Variants in TRHDE observed in about 807,000 individuals in gnomAD.
The protein encoded by TRHDE is thyrotropin releasing hormone degrading enzyme, also known as thyrotropin-releasing hormone-degrading ectoenzyme.
A neutral mutation model predicts 125.7 loss-of-function variants in TRHDE; 72 were observed. The ratio of observed to expected loss-of-function variants is 0.57; its 90% CI spans 0.47 to 0.70. TRHDE has a LOEUF of 0.70. Among genes scored for constraint, TRHDE ranks in the 30% least tolerant of loss-of-function variants. The pLI, the probability that TRHDE is intolerant of heterozygous loss-of-function variation, is 0.00. For missense variants in TRHDE, 1,110 were observed against 1,327.1 expected, an observed-to-expected ratio of 0.84 and a Z score of 2.54; for synonymous variants, 509 against 509.1, an observed-to-expected ratio of 1.00 and a Z score of 0.00.
chr12:72,496,127 C>T (rs1220738846), intron 5 of TRHDE, among the ~76,000 whole-genome samples: 3 of 152,156 alleles, frequency 2.0e-5, no homozygotes, highest in Non-Finnish European at 4.4e-5. Context: ...ATGATAAGTG[C>T]CTGTTGAATA....
chr12:72,630,247 G>A (rs1248504743), intron 15 of TRHDE, among the ~76,000 whole-genome samples: 4 of 151,506 alleles, frequency 2.6e-5, no homozygotes, highest in African/African-American at 7.2e-5. Flanking sequence ...AAAAAGTTAC[G>A]GATCTCAGTA....
intron 3 of TRHDE, among the ~76,000 whole-genome samples, chr12:72,389,807 T>TA (rs1872557431): frequency 1.3e-5 from 2 of 152,166 alleles, no homozygotes; most frequent in South Asian, 4.1e-4. Context: ...TGGTGTGACT[T>TA]ACATTTTTAA....
rs556579078 is a variant in TRHDE at position 72,619,754 on chromosome 12, C to A, written c.2469+716C>A. 1.8e-4 allele frequency among the ~76,000 whole-genome samples: 27 copies of A among 152,190 alleles called. 1 individual carries two copies. In the East Asian group the frequency reaches 5.0e-3, roughly 28 times the overall value. ...CACTGTGCCTTCCATGATGTTTGAA[C>A]ACTATTTGTTTTCCTTTAGTTAGCG... On this transcript the variant is annotated intron_variant, in intron 13 of 18. Coordinates refer to ENST00000261180, the MANE Select transcript of TRHDE (RefSeq NM_013381.3).
chr12:72,525,707 G>C lies in TRHDE; in HGVS notation c.1723-16584G>C, dbSNP rs193226723. On this transcript the variant is annotated intron_variant, in intron 6 of 18. Transcript: ENST00000261180. ...CTTCTTTTCAGTATCAGTGAGCTAT[G>C]GTAGGAACCAGTTTGGGAGCAGCTG... Among the ~76,000 whole-genome samples the C allele has an allele frequency of 6.8e-4, 103 of 151,326 alleles. No individual in the cohort carries two copies. The Middle Eastern group carries it at 0.027, about 40-fold the overall frequency.
chr12:72,386,323 C>T (rs1328457245), intron 3 of TRHDE, among the ~76,000 whole-genome samples: 5 of 152,116 alleles, frequency 3.3e-5, no homozygotes, highest in African/African-American at 9.7e-5. Context: ...CCATTTTAAA[C>T]GTTTTCATAT....
chr12:72,126,139 G>T (rs776296483), intron 2 of TRHDE, among the ~76,000 whole-genome samples: 1 of 152,094 alleles, frequency 6.6e-6, no homozygotes, highest in Non-Finnish European at 1.5e-5. Flanking sequence ...AAATACCTGG[G>T]AATACATCTA....
chr12:72,245,235 TTGTGTGTA>T (rs1262561858), intron 2 of TRHDE, among the ~76,000 whole-genome samples: 2 of 141,956 alleles, frequency 1.4e-5, no homozygotes, highest in African/African-American at 2.9e-5. Flanking sequence ...ATATCTATGT[TTGTGTGTA>T]TGTGTGTGTG....
intron 5 of TRHDE, among the ~76,000 whole-genome samples, chr12:72,498,192 G>A (rs556923107): frequency 3.3e-5 from 5 of 151,976 alleles, no homozygotes; most frequent in Admixed American, 6.6e-5. Flanking sequence ...GTATCTAGTC[G>A]GATACCTAAT....
intron 2 of TRHDE, among the ~76,000 whole-genome samples, chr12:72,338,100 C>T (rs1342625135): frequency 1.3e-5 from 2 of 152,158 alleles, no homozygotes; most frequent in Non-Finnish European, 2.9e-5. Context: ...GCTGTGCCTG[C>T]TTATGTTTTC....
chr12:72,293,478 T>G (rs1880167887), intron 2 of TRHDE, among the ~76,000 whole-genome samples: 1 of 152,162 alleles, frequency 6.6e-6, no homozygotes, highest in Non-Finnish European at 1.5e-5. Flanking sequence ...TTTTGGGTCT[T>G]TGTCAATGCT....
intron 2 of TRHDE, among the ~76,000 whole-genome samples, chr12:72,238,033 T>C (rs1297487693): frequency 6.6e-6 from 1 of 151,786 alleles, no homozygotes; most frequent in African/African-American, 2.4e-5. Context: ...TTAGTGGCCC[T>C]GAAAGCCATG....
At chr12:72,536,977 C>T (rs953360126) in intron 6 of TRHDE, among the ~76,000 whole-genome samples, 1 of 151,956 alleles carries the variant, frequency 6.6e-6, no homozygotes, top group Admixed American at 6.6e-5. Flanking sequence ...TTTCTAGAGA[C>T]AGTCATGTAA....
intron 2 of TRHDE, among the ~76,000 whole-genome samples, chr12:72,252,917 G>A (rs1878717816): frequency 6.6e-6 from 1 of 152,016 alleles, no homozygotes; most frequent in Admixed American, 6.6e-5. Context: ...TCCTTGGGTT[G>A]ATTGTAAATG....
intron 2 of TRHDE, among the ~76,000 whole-genome samples, chr12:72,293,728 G>T (rs1305324880): frequency 1.3e-5 from 2 of 152,162 alleles, no homozygotes; most frequent in Non-Finnish European, 2.9e-5. Context: ...TGGGATGTTT[G>T]GGGTGTCGTT....
intron 2 of TRHDE, among the ~76,000 whole-genome samples, chr12:72,327,929 C>T (rs1393238172): frequency 6.6e-6 from 1 of 152,120 alleles, no homozygotes; most frequent in African/African-American, 2.4e-5. Context: ...AATTTTCTTA[C>T]TAGAAGTGTG....
intron 2 of TRHDE, among the ~76,000 whole-genome samples, chr12:72,352,672 G>T (rs1207369554): frequency 2.6e-5 from 4 of 151,668 alleles, no homozygotes. Context: ...AAAGTTTAGG[G>T]TTCATTGCAT....
chr12:72,461,926 TA>T (rs996188542), intron 3 of TRHDE, among the ~76,000 whole-genome samples: 1 of 152,208 alleles, frequency 6.6e-6, no homozygotes, highest in Non-Finnish European at 1.5e-5. Context: ...TATGTAGGAC[TA>T]AGTGCTTTAC....
chr12:72,647,209 C>T (rs1358693353), intron 15 of TRHDE, among the ~76,000 whole-genome samples: 6 of 151,964 alleles, frequency 3.9e-5, no homozygotes, highest in South Asian at 2.1e-4. Flanking sequence ...AAGCAAGATA[C>T]TCTTGAACAA....
chr12:72,375,495 T>G (rs1871836957), intron 2 of TRHDE, among the ~76,000 whole-genome samples: 1 of 152,186 alleles, frequency 6.6e-6, no homozygotes, highest in African/African-American at 2.4e-5. Flanking sequence ...TAAGATCGAT[T>G]GATAGGAATG....
Sources: allele counts gnomAD v4.1 joint callset (sites outside exome capture counted in the v4.1 genomes callset), GRCh38; gene constraint gnomAD v4.1.1; transcripts MANE v1.5; gene names NCBI Gene and HGNC (gene_info 2026-07-23, HGNC 2026-07-21).